The following PDE8B variants were observed in gnomAD, a reference collection of about 807,000 sequenced individuals.
The protein encoded by PDE8B is phosphodiesterase 8B.
Under a neutral mutation model 101.3 loss-of-function variants are expected in PDE8B, and 26 were observed. The observed-to-expected ratio is 0.26, with a 90% CI of 0.19 to 0.36. The LOEUF is 0.36. Ranked by LOEUF, PDE8B falls within the 10% of genes least tolerant of loss-of-function variation. The pLI is 1.00. For synonymous variants in PDE8B, 424 were observed against 429.3 expected, an observed-to-expected ratio of 0.99 and a Z score of 0.15; for missense variants, 810 against 1,163.1, an observed-to-expected ratio of 0.70 and a Z score of 4.42.
At chr5:77,426,067 G>A in intron 21 of PDE8B, 171 bp downstream of exon 21, 1 of 679,554 alleles carries the variant, frequency 1.5e-6, no homozygotes, top group East Asian at 2.8e-5. Flanking sequence ...CCCAGCAGCT[G>A]GCACAGAAGC....
chr5:77,378,495 CA>C lies in PDE8B; in HGVS notation c.1168-21750del, dbSNP rs199986825. On this transcript the variant is annotated intron_variant, in intron 10 of 21. Transcript: ENST00000264917. ...AAAAAAAAAAAAAAAGGGCATGTAC[CA>C]AAGATCTTTTCTCAAAACCTATGGT... is the stretch of plus-strand genomic sequence containing the variant. Among the ~76,000 whole-genome samples the C allele has an allele frequency of 6.2e-4, 88 of 141,230 alleles. 2 individuals are homozygous for C. In the East Asian group the frequency reaches 0.018, roughly 29 times the overall value. The allele number at this position is 141,230 out of a possible 152,430, so 92.7% of individuals were successfully genotyped here.
chr5:77,196,731 G>A, the PDE8B span, among the ~76,000 whole-genome samples: 1 of 152,024 alleles, frequency 6.6e-6, no homozygotes, highest in African/African-American at 2.4e-5. Context: ...GGCTTCCTAC[G>A]CTCAATTTTA....
intron 1 of PDE8B, among the ~76,000 whole-genome samples, chr5:77,226,905 C>T (rs1292038043): frequency 6.6e-6 from 1 of 152,120 alleles, no homozygotes; most frequent in African/African-American, 2.4e-5. Flanking sequence ...AATTCTCCTC[C>T]CTTATGATGG....
intron 1 of PDE8B, among the ~76,000 whole-genome samples, chr5:77,249,202 C>T (rs1204792790): frequency 6.6e-6 from 1 of 152,210 alleles, no homozygotes; most frequent in African/African-American, 2.4e-5. Flanking sequence ...TTAATGAATT[C>T]TATCCAAATA....
At chr5:77,159,953 A>G in the PDE8B span, among the ~76,000 whole-genome samples, 1 of 152,220 alleles carries the variant, frequency 6.6e-6, no homozygotes, top group African/African-American at 2.4e-5. Flanking sequence ...ACAGAAGCAC[A>G]TAATGGTTAC....
intron 20 of PDE8B, among the ~76,000 whole-genome samples, chr5:77,425,427 C>A (rs1256973070): frequency 6.6e-6 from 1 of 152,118 alleles, no homozygotes; most frequent in Non-Finnish European, 1.5e-5. Context: ...GTGACAGGTG[C>A]CTGTATTCCC....
the PDE8B span, chr5:77,118,218 A>C: frequency 2.6e-6 from 1 of 391,028 alleles, no homozygotes; most frequent in East Asian, 3.6e-5. Context: ...AAGTGCTGGG[A>C]TTACCGGTGT....
chr5:77,405,626 A>G (rs13166933), intron 12 of PDE8B, among the ~76,000 whole-genome samples: 2,441 of 152,218 alleles, frequency 0.016, 36 homozygotes, highest in Non-Finnish European at 0.026. Flanking sequence ...GCCTGAAGGC[A>G]TAGTCTCAGC....
intron 1 of PDE8B, among the ~76,000 whole-genome samples, chr5:77,298,218 AG>A (rs1769050271): frequency 1.3e-5 from 2 of 152,218 alleles, no homozygotes; most frequent in African/African-American, 4.8e-5. Context: ...TGAAAAGTAT[AG>A]GGTCTGGACC....
the PDE8B span, among the ~76,000 whole-genome samples, chr5:77,143,211 A>G: frequency 6.6e-6 from 1 of 152,228 alleles, no homozygotes; most frequent in Non-Finnish European, 1.5e-5. Flanking sequence ...TGCGTCTTCT[A>G]TTCTCAACAT....
At chr5:77,174,294 G>T in the PDE8B span, among the ~76,000 whole-genome samples, 1 of 152,036 alleles carries the variant, frequency 6.6e-6, no homozygotes, top group Admixed American at 6.6e-5. Context: ...TTTATGGGAG[G>T]TACCAGCATC....
At chr5:77,314,924 T>C (rs923970526) in intron 2 of PDE8B, among the ~76,000 whole-genome samples, 5 of 152,146 alleles carry the variant, frequency 3.3e-5, no homozygotes, top group Non-Finnish European at 5.9e-5. Context: ...CATTTCTCCA[T>C]GACTAATGAT....
the PDE8B span, among the ~76,000 whole-genome samples, chr5:77,135,447 G>A: frequency 6.6e-6 from 1 of 152,018 alleles, no homozygotes; most frequent in Middle Eastern, 3.4e-3. Context: ...TTTCAGTTGA[G>A]GGACTCAAGA....
intron 11 of PDE8B, among the ~76,000 whole-genome samples, chr5:77,402,573 A>T (rs2151018554): frequency 6.6e-6 from 1 of 152,356 alleles, no homozygotes; most frequent in East Asian, 1.9e-4. Flanking sequence ...GAAAACAGTA[A>T]GTAGTAGAAC....
At chr5:77,212,192 C>A (rs1161437702) in intron 1 of PDE8B, among the ~76,000 whole-genome samples, 1 of 152,100 alleles carries the variant, frequency 6.6e-6, no homozygotes, top group Non-Finnish European at 1.5e-5. Flanking sequence ...TTCCTTTCAG[C>A]AAACAAGATA....
intron 4 of PDE8B, among the ~76,000 whole-genome samples, chr5:77,329,388 C>T (rs1776679116): frequency 6.6e-6 from 1 of 151,670 alleles, no homozygotes; most frequent in Non-Finnish European, 1.5e-5. Flanking sequence ...TCTTTTTTTT[C>T]CTTTGAAGAA....
intron 10 of PDE8B, among the ~76,000 whole-genome samples, chr5:77,356,335 T>A (rs1782104848): frequency 6.6e-6 from 1 of 152,166 alleles, no homozygotes; most frequent in Admixed American, 6.5e-5. Context: ...GACTTCAGAA[T>A]TTCAAGGATC....
chr5:77,157,892 C>T, the PDE8B span, among the ~76,000 whole-genome samples: 1 of 152,234 alleles, frequency 6.6e-6, no homozygotes, highest in Admixed American at 6.5e-5. Flanking sequence ...GAGCATCCCT[C>T]TCTCTAGTTA....
chr5:77,140,520 T>C, the PDE8B span: 1 of 152,322 alleles, frequency 6.6e-6, no homozygotes, highest in Non-Finnish European at 1.5e-5. Context: ...TCCCTCTTTG[T>C]TTCTAGAATC....
Sources: allele counts gnomAD v4.1 joint callset (sites outside exome capture counted in the v4.1 genomes callset), GRCh38; gene constraint gnomAD v4.1.1; transcripts MANE v1.5; gene names NCBI Gene and HGNC (gene_info 2026-07-23, HGNC 2026-07-21).